EPHA3: variants seen among roughly 807,000 people sequenced by gnomAD.
EPHA3 encodes ephrin type-A receptor 3.
Under a neutral mutation model 107.1 loss-of-function variants are expected in EPHA3, and 42 were observed. The ratio of observed to expected loss-of-function variants is 0.39; its 90% CI spans 0.31 to 0.51. The LOEUF (loss-of-function observed/expected upper bound fraction) is 0.51, where lower values mean the gene tolerates loss of function less well. EPHA3 is among the 20% of genes least tolerant of loss of function. The pLI, the probability that EPHA3 is intolerant of heterozygous loss-of-function variation, is 0.78. For synonymous variants in EPHA3, 461 were observed against 424.8 expected (o/e 1.09, Z -1.05); for missense variants, 1,183 against 1,211.2 (o/e 0.98, Z 0.35).
At chr3:89,356,798 C>T (rs1401717806) in intron 5 of EPHA3, among the ~76,000 whole-genome samples, 2 of 150,664 alleles carry the variant, frequency 1.3e-5, no homozygotes, top group Non-Finnish European at 3.0e-5. Context: ...TGGGCTAGAA[C>T]AAGAACCAAA....
At chr3:89,209,304 C>A (rs1232431660) in intron 2 of EPHA3, among the ~76,000 whole-genome samples, 1 of 151,964 alleles carries the variant, frequency 6.6e-6, no homozygotes, top group Non-Finnish European at 1.5e-5. Context: ...TCTATTTTTA[C>A]TTCAAATTTT....
chr3:89,423,215 T>A (rs1160022890), intron 11 of EPHA3, among the ~76,000 whole-genome samples: 1 of 151,410 alleles, frequency 6.6e-6, no homozygotes, highest in Non-Finnish European at 1.5e-5. Flanking sequence ...TAAGTGTAAC[T>A]TTGCATTATT....
At position 89,472,634 on chromosome 3, in the gene EPHA3, T is replaced by A. The variant is rs749299133; in HGVS notation, c.2846+15T>A. The A allele has an allele frequency of 5.0e-6, 8 of 1,599,334 alleles. No homozygotes were observed. The highest frequency in any genetic ancestry group is 6.0e-6 in the Non-Finnish European group (7 of 1,173,352). Reference sequence around the variant, plus strand: ...ATTTCCACAGAGTAAGAAAAAAAAATTCATTAAGAAGAATGAAGGATTCTT... The same window carrying A: ...ATTTCCACAGAGTAAGAAAAAAAAAATCATTAAGAAGAATGAAGGATTCTT... On this transcript the variant is annotated intron_variant, in intron 16 of 16. Coordinates refer to ENST00000336596, the MANE Select transcript of EPHA3 (RefSeq NM_005233.6).
chr3:89,136,257 T>C (rs1241825397), intron 2 of EPHA3, among the ~76,000 whole-genome samples: 1 of 150,864 alleles, frequency 6.6e-6, no homozygotes, highest in Non-Finnish European at 1.5e-5. Flanking sequence ...AGTATGTCAC[T>C]TTCACCTATT....
chr3:89,306,999 T>C (rs1206030326), intron 3 of EPHA3, among the ~76,000 whole-genome samples: 1 of 152,152 alleles, frequency 6.6e-6, no homozygotes, highest in East Asian at 1.9e-4. Flanking sequence ...CATAAAATTA[T>C]CAAATTTAAA....
Position 89,472,530 on chromosome 3 carries a change from G to T in EPHA3, c.2757G>T (p.Trp919Cys), listed in dbSNP as rs998163895. The change falls in exon 16 of 17, where the codon TGG (tryptophan) becomes TGT (cysteine). Residue 919 changes from tryptophan (W) to cysteine (C), a missense_variant. Trp to Cys is a radical substitution (Grantham distance 215, BLOSUM62 -2). Transcript: ENST00000336596. Reference sequence around the variant, plus strand: ...CTACCTTCCGCACAACAGGTGACTGGCTTAATGGTGTCTGGACAGCACACT... The same window carrying T: ...CTACCTTCCGCACAACAGGTGACTGTCTTAATGGTGTCTGGACAGCACACT... ...DITTFRTTGD[W>C]LNGVWTAHCK... 6.2e-6 allele frequency: 10 copies of T among 1,614,000 alleles called. No homozygotes were observed. The highest frequency in any genetic ancestry group is 7.6e-6 in the Non-Finnish European group (9 of 1,180,024).
At chr3:89,180,905 A>G (rs1384952595) in intron 2 of EPHA3, among the ~76,000 whole-genome samples, 1 of 152,012 alleles carries the variant, frequency 6.6e-6, no homozygotes, top group African/African-American at 2.4e-5. Context: ...AATAATTTCC[A>G]GAGAGTTGGA....
At chr3:89,406,517 T>C (rs1051946056) in intron 7 of EPHA3, among the ~76,000 whole-genome samples, 1 of 152,182 alleles carries the variant, frequency 6.6e-6, no homozygotes, top group South Asian at 2.1e-4. Context: ...ATAGACAATA[T>C]ACAAATTAAT....
At chr3:89,379,636 G>A (rs1708463384) in intron 5 of EPHA3, among the ~76,000 whole-genome samples, 3 of 152,070 alleles carry the variant, frequency 2.0e-5, no homozygotes, top group Admixed American at 2.0e-4. Context: ...CAAAGACTGT[G>A]CTCTTTAAGA....
At chr3:89,294,855 A>AT (rs1247836820) in intron 3 of EPHA3, among the ~76,000 whole-genome samples, 5 of 152,062 alleles carry the variant, frequency 3.3e-5, no homozygotes, top group Non-Finnish European at 7.4e-5. Flanking sequence ...CCATGTAATT[A>AT]TTTTTTTGGC....
chr3:89,284,207 A>G (rs1706021567), intron 3 of EPHA3, among the ~76,000 whole-genome samples: 1 of 152,140 alleles, frequency 6.6e-6, no homozygotes, highest in Admixed American at 6.5e-5. Flanking sequence ...ATACTCATTT[A>G]CATTAATTAA....
intron 2 of EPHA3, among the ~76,000 whole-genome samples, chr3:89,160,589 T>TGG (rs371399940): frequency 0.2 from 28,824 of 144,854 alleles, 3,588 homozygotes; most frequent in Non-Finnish European, 0.28. Flanking sequence ...TGTGTGTGTG[T>TGG]GCGCGCATTC....
intron 3 of EPHA3, among the ~76,000 whole-genome samples, chr3:89,281,374 A>G (rs955650913): frequency 6.6e-5 from 10 of 152,126 alleles, no homozygotes; most frequent in African/African-American, 1.9e-4. Context: ...CAGAGAGGGT[A>G]AGTATCTTGC....
In EPHA3 at chr3:89,419,247, CA is replaced by C. The variant is rs1467832547; in HGVS notation, c.1938del (p.Glu647ArgfsTer9). The C allele has an allele frequency of 6.2e-7, 1 of 1,609,430 alleles. No individual in the cohort carries two copies. Among genetic ancestry groups the C allele is most frequent in the Non-Finnish European group, 8.5e-7 (1 of 1,177,284 alleles). ...EVCSGRLKLP[S>X]KKEISVAIKT... Reference sequence around the variant, plus strand: ...TGCAGTGGTCGCTTAAAACTTCCTTCAAAAAAAGAGATTTCAGTGGCCATTA... The same window carrying C: ...TGCAGTGGTCGCTTAAAACTTCCTTCAAAAAAGAGATTTCAGTGGCCATTA... On this transcript the variant is annotated frameshift_variant, in exon 11 of 17. Coordinates refer to ENST00000336596, the MANE Select transcript of EPHA3 (RefSeq NM_005233.6). LOFTEE classifies it high-confidence loss of function.
Position 89,224,209 on chromosome 3 carries a change from A to G in EPHA3, c.814+13689A>G, listed in dbSNP as rs182968177. Among the ~76,000 whole-genome samples the G allele has an allele frequency of 6.0e-4, 91 of 152,306 alleles. 1 individual carries two copies. Among genetic ancestry groups the G allele is most frequent in the African/African-American group, 2.0e-3 (84 of 41,568 alleles). On this transcript the variant is annotated intron_variant, in intron 3 of 16. Coordinates refer to ENST00000336596, the MANE Select transcript of EPHA3 (RefSeq NM_005233.6). Reference sequence around the variant, plus strand: ...GATTTATAGCATCTCTCCTATCTACACAAATAATTTACCATGAAATTTATT... The same window carrying G: ...GATTTATAGCATCTCTCCTATCTACGCAAATAATTTACCATGAAATTTATT...
chr3:89,399,046 T>C (rs6800041), intron 6 of EPHA3, among the ~76,000 whole-genome samples: 46,485 of 151,448 alleles, frequency 0.31, 7,938 homozygotes, highest in African/African-American at 0.45. Flanking sequence ...AGGAAAATCG[T>C]TTGAACCCAG....
chr3:89,413,598 C>G (rs530812221), intron 10 of EPHA3, among the ~76,000 whole-genome samples: 5 of 151,748 alleles, frequency 3.3e-5, no homozygotes, highest in Admixed American at 6.6e-5. Flanking sequence ...ATTTAGACAA[C>G]CCAGGTAATT....
At chr3:89,257,887 A>G (rs1307802714) in intron 3 of EPHA3, among the ~76,000 whole-genome samples, 1 of 152,098 alleles carries the variant, frequency 6.6e-6, no homozygotes, top group Admixed American at 6.6e-5. Context: ...CCACTGGCCA[A>G]CATGGATGCT....
chr3:89,346,334 A>T (rs1707652589), intron 5 of EPHA3, among the ~76,000 whole-genome samples: 1 of 135,720 alleles, frequency 7.4e-6, no homozygotes, highest in East Asian at 2.0e-4. Flanking sequence ...ATGGTATCTC[A>T]TAGTGGTTTT....
Sources: allele counts gnomAD v4.1 joint callset (sites outside exome capture counted in the v4.1 genomes callset), GRCh38; gene constraint gnomAD v4.1.1; transcripts MANE v1.5; gene names NCBI Gene and HGNC (gene_info 2026-07-23, HGNC 2026-07-21).